GOLM1: variants seen among roughly 807,000 people sequenced by gnomAD.
GOLM1 encodes epididymis luminal protein 46.
Under a neutral mutation model 50.5 loss-of-function variants are expected in GOLM1, and 31 were observed. The observed-to-expected ratio is 0.61, with a 90% CI of 0.46 to 0.83. The LOEUF is 0.83. GOLM1 is among the 40% of genes least tolerant of loss of function. The pLI, the probability that GOLM1 is intolerant of heterozygous loss-of-function variation, is 0.00. For missense variants in GOLM1, 491 were observed against 501.3 expected (o/e 0.98, Z 0.20); for synonymous variants, 178 against 192.8 (o/e 0.92, Z 0.64).
At chr9:86,045,259 G>A (rs1319117741) in intron 5 of GOLM1, among the ~76,000 whole-genome samples, 1 of 151,932 alleles carries the variant, frequency 6.6e-6, no homozygotes, top group Non-Finnish European at 1.5e-5. Flanking sequence ...GCTGAGGCTG[G>A]AGAACTGCTT....
At chr9:86,080,905 T>C (rs1834761746) in intron 1 of GOLM1, among the ~76,000 whole-genome samples, 1 of 152,204 alleles carries the variant, frequency 6.6e-6, no homozygotes, top group Non-Finnish European at 1.5e-5. Flanking sequence ...TTTATTTATT[T>C]TAGAGACAGG....
chr9:86,099,871 C>T (rs1835484902), upstream of GOLM1, among the ~76,000 whole-genome samples: 1 of 152,180 alleles, frequency 6.6e-6, no homozygotes, highest in Non-Finnish European at 1.5e-5. Context: ...TGGGGGGAGC[C>T]CCCATCCCAC....
chr9:86,031,918 T>G (rs1388401762), intron 9 of GOLM1, among the ~76,000 whole-genome samples: 3 of 104,910 alleles, frequency 2.9e-5, no homozygotes, highest in South Asian at 3.6e-4. Flanking sequence ...AGAGCGAGAC[T>G]CCATCTCAAA....
intron 1 of GOLM1, among the ~76,000 whole-genome samples, chr9:86,081,799 GA>G (rs1169379629): frequency 2.0e-5 from 3 of 151,166 alleles, no homozygotes; most frequent in Admixed American, 6.6e-5. Flanking sequence ...TGAGACAGGA[GA>G]AAAGCTTGAA....
chr9:86,073,529 G>C (rs1180011430), intron 3 of GOLM1, among the ~76,000 whole-genome samples: 1 of 151,942 alleles, frequency 6.6e-6, no homozygotes, highest in African/African-American at 2.4e-5. Flanking sequence ...CTTACTTTCA[G>C]GGGGGTGCAC....
At chr9:86,088,420 GTATATATATA>G (rs71505775) in intron 1 of GOLM1, among the ~76,000 whole-genome samples, 52 of 86,300 alleles carry the variant, frequency 6.0e-4, no homozygotes, top group East Asian at 2.1e-3. Context: ...TTTGAAGGGT[GTATATATATA>G]TATATATATA....
At position 86,047,827 on chromosome 9, in the gene GOLM1, C is replaced by CA. The variant is rs551787856; in HGVS notation, c.365-1256dup. ...ACTATGCTGAGAGAGAAAAGGCAGG[C>CA]AAAAAATGATAACAGATGGTCTGAT... On this transcript the variant is annotated intron_variant, in intron 4 of 9. Transcript: ENST00000388712. Among the ~76,000 whole-genome samples the CA allele has an allele frequency of 7.1e-4, 108 of 151,952 alleles. 1 individual carries two copies. The highest frequency in any genetic ancestry group is 3.4e-3 in the Middle Eastern group (1 of 294).
chr9:86,033,500 G>A (rs1833044502), intron 8 of GOLM1, 105 bp from the exon 9 acceptor site: 3 of 699,194 alleles, frequency 4.3e-6, no homozygotes, highest in Admixed American at 2.3e-5. Flanking sequence ...CTCACAATCA[G>A]ATCTGTCTGC....
chr9:86,098,233 C>A lies in GOLM1; in HGVS notation c.-22+1178G>T, dbSNP rs116189737. ...AAAAACAGTAAGTCTTAGCAAGTTA[C>A]TAGTTTCTATTAAGAAAGAAAGTAA... On this transcript the variant is annotated intron_variant, in intron 1 of 9. Coordinates refer to ENST00000388712, the MANE Select transcript of GOLM1 (RefSeq NM_016548.4). 6.3e-3 allele frequency among the ~76,000 whole-genome samples: 962 copies of A among 152,186 alleles called. 9 individuals are homozygous for A. The highest frequency in any genetic ancestry group is 0.022 in the African/African-American group (922 of 41,532).
rs111782129 is a variant in GOLM1 at position 86,036,154 on chromosome 9, C to G, written c.757+194G>C. On this transcript the variant is annotated intron_variant, in intron 7 of 9. Transcript: ENST00000388712. The stretch of plus-strand genomic sequence containing the variant: ...TCTACACAGCTGCCCAGGAACAAGG[C>G]ACTTCGTTTACAAGGAGGAGACATC... Among the ~76,000 whole-genome samples, 3 of 152,004 alleles carry G rather than the reference C, an allele frequency of 2.0e-5. No homozygotes were observed. The South Asian group carries it at 6.2e-4, about 32-fold the overall frequency.
At chr9:86,053,397 T>A (rs1469613213) in intron 3 of GOLM1, among the ~76,000 whole-genome samples, 13 of 4,006 alleles carry the variant, frequency 3.2e-3, no homozygotes, top group African/African-American at 8.4e-3. Flanking sequence ...CACACATCAG[T>A]CCACACCACA....
chr9:86,079,569 G>A (rs1587733625), intron 1 of GOLM1: 2 of 367,900 alleles, frequency 5.4e-6, no homozygotes, highest in Non-Finnish European at 9.6e-6. Context: ...GGACAGGCTC[G>A]GAGGAGCAGG....
At chr9:86,028,069 T>C (rs1317012183) in intron 9 of GOLM1, among the ~76,000 whole-genome samples, 176 bp from the exon 10 acceptor site, 3 of 151,734 alleles carry the variant, frequency 2.0e-5, no homozygotes, top group Non-Finnish European at 4.4e-5. Flanking sequence ...AACGGTGATA[T>C]GGGAGGGGGA....
At chr9:86,035,042 C>A (rs1264693443) in intron 8 of GOLM1, 15 of 985,252 alleles carry the variant, frequency 1.5e-5, no homozygotes, top group Non-Finnish European at 1.6e-5. Context: ...GGTGGACATA[C>A]AAAAATGGGG....
At chr9:86,040,990 G>C in intron 5 of GOLM1, 122 bp from the exon 6 acceptor site, 1 of 862,900 alleles carries the variant, frequency 1.2e-6, no homozygotes. Context: ...CATCTGAAGA[G>C]GGCACTTAAG....
In GOLM1 at chr9:86,026,752, T is replaced by G; in HGVS notation, c.*1065A>C. The G allele has an allele frequency of 1.0e-6, 1 of 982,710 alleles. No individual in the cohort carries two copies. The highest frequency in any genetic ancestry group is 5.2e-4 in the Middle Eastern group (1 of 1,906). 60.9% of individuals were successfully genotyped at this position (982,710 alleles called of 1,614,324 possible). A position where few individuals can be genotyped will look rare whatever the true frequency, so the allele number is the denominator to read the frequency against. On this transcript the variant is annotated 3_prime_UTR_variant, in exon 10 of 10. Transcript: ENST00000388712. ...ATTGTTATTGTGAATTAGGATTAAGTAGTAATTTTCAAAATTCACATTAAC... is the reference window on the plus strand; with the variant it reads ...ATTGTTATTGTGAATTAGGATTAAGGAGTAATTTTCAAAATTCACATTAAC...
chr9:86,036,286 A>G (rs1833142290), intron 7 of GOLM1, 62 bp downstream of exon 7: 4 of 1,553,052 alleles, frequency 2.6e-6, no homozygotes, highest in South Asian at 2.2e-5. Flanking sequence ...GCTCGCTGGG[A>G]CTGCTTCCTC....
At chr9:86,072,386 C>T (rs1834474585) in intron 3 of GOLM1, among the ~76,000 whole-genome samples, 1 of 152,300 alleles carries the variant, frequency 6.6e-6, no homozygotes, top group Non-Finnish European at 1.5e-5. Context: ...CACCATCACA[C>T]AGCTGTTGAG....
chr9:86,029,000 C>A (rs1587689720), intron 9 of GOLM1, among the ~76,000 whole-genome samples: 1 of 152,064 alleles, frequency 6.6e-6, no homozygotes, highest in Non-Finnish European at 1.5e-5. Context: ...AGGCGCCCGC[C>A]ACCACGCCCG....
Sources: allele counts gnomAD v4.1 joint callset (sites outside exome capture counted in the v4.1 genomes callset), GRCh38; gene constraint gnomAD v4.1.1; transcripts MANE v1.5; gene names NCBI Gene and HGNC (gene_info 2026-07-23, HGNC 2026-07-21).